The following SLC7A11 variants were observed in gnomAD, a reference collection of about 807,000 sequenced individuals.
SLC7A11 encodes the protein solute carrier family 7 member 11.
A neutral mutation model predicts 54.5 loss-of-function variants in SLC7A11; 35 were observed. That is an observed-to-expected ratio of 0.64 (90% CI 0.49 to 0.85). SLC7A11 has a LOEUF of 0.85. Among genes scored for constraint, SLC7A11 ranks in the 40% least tolerant of loss-of-function variants. The pLI, the probability that SLC7A11 is intolerant of heterozygous loss-of-function variation, is 0.00. For synonymous variants in SLC7A11, 230 were observed against 225.2 expected, an observed-to-expected ratio of 1.02 and a Z score of -0.19; for missense variants, 583 against 618.1, an observed-to-expected ratio of 0.94 and a Z score of 0.60.
intron 3 of SLC7A11, among the ~76,000 whole-genome samples, chr4:138,225,618 T>G (rs544855424): frequency 1.2e-3 from 176 of 152,240 alleles, no homozygotes; most frequent in Non-Finnish European, 2.1e-3. Context: ...TGCTCCATCA[T>G]CCAGTGATTC....
chr4:138,239,853 A>G (rs537705370), intron 1 of SLC7A11, among the ~76,000 whole-genome samples: 1 of 152,362 alleles, frequency 6.6e-6, no homozygotes, highest in Admixed American at 6.5e-5. Context: ...CTGCATGCAC[A>G]TAAGTACGCA....
chr4:138,231,684 T>TA (rs1273906918), intron 3 of SLC7A11, among the ~76,000 whole-genome samples: 2 of 152,198 alleles, frequency 1.3e-5, no homozygotes, highest in Non-Finnish European at 2.9e-5. Context: ...TTTCTTTTTT[T>TA]AATCAATGAA....
chr4:138,218,617 A>C (rs1407420463), intron 5 of SLC7A11, among the ~76,000 whole-genome samples: 1 of 152,210 alleles, frequency 6.6e-6, no homozygotes, highest in African/African-American at 2.4e-5. Context: ...ACAGGTGGAC[A>C]TACATCAAAG....
In SLC7A11 at chr4:138,241,851, C is replaced by G. The variant is rs201975214; in HGVS notation, c.219G>C (p.Thr73=). 3 of 1,614,126 alleles carry G rather than the reference C, an allele frequency of 1.9e-6. No individual in the cohort carries two copies. The South Asian group carries it at 3.3e-5, about 18-fold the overall frequency. ...TGGTCAGAGACATGCCCACGCTGCCCGTGTTCTGGAGCACGCCCTTAGGAG... is the reference window on the plus strand; with the variant it reads ...TGGTCAGAGACATGCCCACGCTGCCGGTGTTCTGGAGCACGCCCTTAGGAG... ...FISPKGVLQN[T]GSVGMSLTIW... The change falls in exon 1 of 12, where the codon ACG becomes ACC. Residue 73 remains threonine (T), a synonymous_variant. Coordinates refer to ENST00000280612, the MANE Select transcript of SLC7A11 (RefSeq NM_014331.4).
intron 6 of SLC7A11, among the ~76,000 whole-genome samples, chr4:138,202,284 T>C (rs765045461): frequency 6.6e-6 from 1 of 152,040 alleles, no homozygotes; most frequent in Non-Finnish European, 1.5e-5. Context: ...ACTCCTTATA[T>C]CACAAGACAC....
chr4:138,194,700 T>A (rs1737089774), intron 6 of SLC7A11, among the ~76,000 whole-genome samples: 1 of 152,182 alleles, frequency 6.6e-6, no homozygotes, highest in African/African-American at 2.4e-5. Flanking sequence ...TGTATTCACT[T>A]GATTTCACAG....
In SLC7A11 at chr4:138,170,246, GTGTGTATA is replaced by G. The variant is rs1437595252; in HGVS notation, c.*1702_*1709del. On this transcript the variant is annotated 3_prime_UTR_variant, in exon 12 of 12. Transcript: ENST00000280612. ...ATATATATAAAAAGTGTGTGTGTGTGTGTGTATATATATATATATATATATACACACAC... is the reference window on the plus strand; with the variant it reads ...ATATATATAAAAAGTGTGTGTGTGTGTATATATATATATATATACACACAC... 3.6e-5 allele frequency: 3 copies of G among 82,864 alleles called. No individual in the cohort carries two copies. Among genetic ancestry groups the G allele is most frequent in the African/African-American group, 1.3e-4 (3 of 23,314 alleles). 5.1% of individuals were successfully genotyped at this position (82,864 alleles called of 1,614,324 possible). A position where few individuals can be genotyped will look rare whatever the true frequency, so the allele number is the denominator to read the frequency against.
At chr4:138,224,085 G>C (rs1037122138) in intron 3 of SLC7A11, among the ~76,000 whole-genome samples, 1 of 152,170 alleles carries the variant, frequency 6.6e-6, no homozygotes, top group African/African-American at 2.4e-5. Context: ...AAAACCTCAA[G>C]GATAGAGCAA....
rs41280521 is a variant in SLC7A11, at chr4:138,232,545, T to C, written c.405-163A>G. Among the ~76,000 whole-genome samples the C allele has an allele frequency of 6.5e-3, 983 of 152,362 alleles. 2 individuals carry two copies. The highest frequency in any genetic ancestry group is 9.4e-3 in the Non-Finnish European group (640 of 68,030). ...ATTAGGTTGCCATAGACATTCCAAA[T>C]GAAGTACTTCCTGTAACACTGGTGG... On this transcript the variant is annotated intron_variant, in intron 2 of 11. Transcript: ENST00000280612.
rs1736373433 is a variant in SLC7A11 at position 138,170,152 on chromosome 4, A to G, written c.*1804T>C. 6.8e-6 allele frequency: 1 copy of G among 146,594 alleles called. No homozygotes were observed. The highest frequency in any genetic ancestry group is 2.2e-4 in the South Asian group (1 of 4,600). 9.1% of individuals were successfully genotyped at this position (146,594 alleles called of 1,614,324 possible). A position where few individuals can be genotyped will look rare whatever the true frequency, so the allele number is the denominator to read the frequency against. ...ACTAACCATTTTACCTTAGATGTTTATAAATAACAGTTCAAAATTTCATCA... is the reference window on the plus strand; with the variant it reads ...ACTAACCATTTTACCTTAGATGTTTGTAAATAACAGTTCAAAATTTCATCA... On this transcript the variant is annotated 3_prime_UTR_variant, in exon 12 of 12. Transcript: ENST00000280612.
chr4:138,242,167 T>C lies in SLC7A11; in HGVS notation c.-98A>G. ...GTTACTGATCGATGTCTTCCTCTGCTTTCAGACTGTCTCTCTCAGCGCTAT... is the reference window on the plus strand; with the variant it reads ...GTTACTGATCGATGTCTTCCTCTGCCTTCAGACTGTCTCTCTCAGCGCTAT... On this transcript the variant is annotated 5_prime_UTR_variant, in exon 1 of 12. Coordinates refer to ENST00000280612, the MANE Select transcript of SLC7A11 (RefSeq NM_014331.4). The C allele has an allele frequency of 1.5e-6, 2 of 1,345,192 alleles. No individual in the cohort carries two copies. The highest frequency in any genetic ancestry group is 2.0e-6 in the Non-Finnish European group (2 of 985,862). The allele number at this position is 1,345,192 out of a possible 1,614,324, so 83.3% of individuals were successfully genotyped here. A position where few individuals can be genotyped will look rare whatever the true frequency, so the allele number is the denominator to read the frequency against.
chr4:138,168,309 A>G lies in SLC7A11; in HGVS notation c.*3647T>C, dbSNP rs7674870. On this transcript the variant is annotated 3_prime_UTR_variant, in exon 12 of 12. Coordinates refer to ENST00000280612, the MANE Select transcript of SLC7A11 (RefSeq NM_014331.4). ...ACAACTAATTTTTAATATTTCTCTG[A>G]CTATATTGCATAACATTAAAATATT... 0.37 allele frequency: 56,092 copies of G among 151,988 alleles called. 10,901 individuals are homozygous for G. Among genetic ancestry groups the G allele is most frequent in the Middle Eastern group, 0.43 (127 of 294 alleles). 9.4% of individuals were successfully genotyped at this position (151,988 alleles called of 1,614,324 possible). A position where few individuals can be genotyped will look rare whatever the true frequency, so the allele number is the denominator to read the frequency against.
intron 1 of SLC7A11, among the ~76,000 whole-genome samples, chr4:138,236,982 T>TC: frequency 1.1e-5 from 1 of 94,446 alleles, no homozygotes; most frequent in Middle Eastern, 5.2e-3. Context: ...TTGCAAGATT[T>TC]CTTTTTTTTT....
intron 6 of SLC7A11, among the ~76,000 whole-genome samples, chr4:138,199,700 A>C (rs1394056109): frequency 1.3e-5 from 2 of 152,094 alleles, no homozygotes; most frequent in African/African-American, 2.4e-5. Flanking sequence ...AGAACAGGAA[A>C]TACCTGCCCT....
At position 138,196,802 on chromosome 4, in the gene SLC7A11, G is replaced by A. The variant is rs571395338; in HGVS notation, c.792-11558C>T. Among the ~76,000 whole-genome samples, 8 of 152,210 alleles carry A rather than the reference G, an allele frequency of 5.3e-5. No homozygotes were observed. The South Asian group carries it at 1.7e-3, about 32-fold the overall frequency. On this transcript the variant is annotated intron_variant, in intron 6 of 11. Coordinates refer to ENST00000280612, the MANE Select transcript of SLC7A11 (RefSeq NM_014331.4). ...AGCCTCCCGAGTAGCTGGGATTACA[G>A]GCAACTGCCACCACACTCAGCTTAT...
chr4:138,211,045 T>C (rs1737532270), intron 6 of SLC7A11, among the ~76,000 whole-genome samples: 1 of 151,548 alleles, frequency 6.6e-6, no homozygotes, highest in Non-Finnish European at 1.5e-5. Flanking sequence ...TACATATACA[T>C]GTACTATGCA....
intron 6 of SLC7A11, among the ~76,000 whole-genome samples, chr4:138,186,089 T>C (rs1736869589): frequency 6.6e-6 from 1 of 152,148 alleles, no homozygotes; most frequent in Non-Finnish European, 1.5e-5. Flanking sequence ...TATGTCTTCA[T>C]TTAATGCACT....
chr4:138,229,970 T>A (rs1298264957), intron 3 of SLC7A11, among the ~76,000 whole-genome samples: 1 of 152,180 alleles, frequency 6.6e-6, no homozygotes, highest in Non-Finnish European at 1.5e-5. Flanking sequence ...CCTCAGTCAT[T>A]CAAGGGACAA....
At chr4:138,219,733 T>A in intron 4 of SLC7A11, among the ~76,000 whole-genome samples, 1 of 152,178 alleles carries the variant, frequency 6.6e-6, no homozygotes, top group East Asian at 1.9e-4. Context: ...CTTAAAAAGA[T>A]AATGTTTTGC....
Sources: gnomAD v4.1 joint callset for allele counts (sites outside exome capture counted in the v4.1 genomes callset) on GRCh38, gnomAD v4.1.1 for gene constraint, MANE v1.5 for transcripts, NCBI Gene and HGNC (gene_info 2026-07-23, HGNC 2026-07-21) for gene names.